The following MICU2 variants were observed in gnomAD, a reference collection of about 807,000 sequenced individuals.
The protein encoded by MICU2 is mitochondrial calcium uptake 2, also known as calcium uptake protein 2, mitochondrial.
MICU2 carries 64 observed loss-of-function variants against 60.4 expected under a neutral mutation model. That is an observed-to-expected ratio of 1.06 (90% CI 0.87 to 1.31). MICU2 has a LOEUF of 1.31. Among genes scored for constraint, MICU2 ranks in the 50% most tolerant of loss-of-function variants. The pLI is 0.00. For synonymous variants in MICU2, 201 were observed against 175.0 expected (o/e 1.15, Z -1.17); for missense variants, 569 against 531.0 (o/e 1.07, Z -0.70).
intron 9 of MICU2, among the ~76,000 whole-genome samples, chr13:21,501,484 G>T (rs570497590): frequency 6.6e-6 from 1 of 152,098 alleles, no homozygotes; most frequent in Admixed American, 6.5e-5. Flanking sequence ...GGATGGTCTT[G>T]ATCTCCTGAC....
At chr13:21,600,319 G>C (rs1383730582) in intron 1 of MICU2, among the ~76,000 whole-genome samples, 1 of 152,132 alleles carries the variant, frequency 6.6e-6, no homozygotes, top group African/African-American at 2.4e-5. Context: ...CCTTTGCCTA[G>C]AAAACTCTTC....
intron 2 of MICU2, among the ~76,000 whole-genome samples, chr13:21,550,940 A>G (rs1475691914): frequency 6.6e-6 from 1 of 152,200 alleles, no homozygotes; most frequent in African/African-American, 2.4e-5. Flanking sequence ...GACCTGTACT[A>G]TCAACTATAC....
chr13:21,575,619 G>A (rs1888208044), intron 1 of MICU2, among the ~76,000 whole-genome samples: 1 of 150,984 alleles, frequency 6.6e-6, no homozygotes, highest in South Asian at 2.1e-4. Context: ...AGCTACTTGG[G>A]AGGCTGAGGT....
At chr13:21,526,001 A>C (rs1161482115) in intron 4 of MICU2, among the ~76,000 whole-genome samples, 1 of 151,348 alleles carries the variant, frequency 6.6e-6, no homozygotes, top group African/African-American at 2.4e-5. Flanking sequence ...GTGGCACAGT[A>C]GTGGTTCACT....
In MICU2 at chr13:21,533,321, G is replaced by A. The variant is rs551336841; in HGVS notation, c.466+5981C>T. ...TTTTTGTAATCAATAGTAAGGCAGCGCAATTTTTTTTTTTTTTTTTGAGGC... is the reference window on the plus strand; with the variant it reads ...TTTTTGTAATCAATAGTAAGGCAGCACAATTTTTTTTTTTTTTTTTGAGGC... On this transcript the variant is annotated intron_variant, in intron 4 of 11. Transcript: ENST00000382374. 1.7e-4 allele frequency among the ~76,000 whole-genome samples: 24 copies of A among 142,746 alleles called. No homozygotes were observed. The South Asian group carries it at 4.0e-3, about 24-fold the overall frequency. 93.6% of individuals were successfully genotyped at this position (142,746 alleles called of 152,430 possible).
intron 1 of MICU2, among the ~76,000 whole-genome samples, chr13:21,581,867 G>T (rs1048348407): frequency 3.9e-5 from 6 of 152,238 alleles, no homozygotes; most frequent in Admixed American, 3.9e-4. Flanking sequence ...ACACACAACT[G>T]CTATCTAGCA....
intron 2 of MICU2, among the ~76,000 whole-genome samples, chr13:21,540,331 A>G (rs573266662): frequency 6.6e-6 from 1 of 152,218 alleles, no homozygotes; most frequent in South Asian, 2.1e-4. Context: ...CTCTGATGAT[A>G]GCCTCAAATC....
chr13:21,533,850 T>C (rs950446869), intron 4 of MICU2, among the ~76,000 whole-genome samples: 12 of 152,160 alleles, frequency 7.9e-5, no homozygotes, highest in Non-Finnish European at 1.3e-4. Context: ...TGATAAAACA[T>C]TGCTCATTAG....
At chr13:21,532,381 TAAAAAG>T (rs1238403102) in intron 4 of MICU2, among the ~76,000 whole-genome samples, 1 of 152,170 alleles carries the variant, frequency 6.6e-6, no homozygotes, top group Non-Finnish European at 1.5e-5. Flanking sequence ...TACTTGTCAA[TAAAAAG>T]AAAAACATTT....
At chr13:21,501,196 AGTAACAAACT>A (rs1170782256) in intron 9 of MICU2, among the ~76,000 whole-genome samples, 1 of 152,166 alleles carries the variant, frequency 6.6e-6, no homozygotes, top group African/African-American at 2.4e-5. Flanking sequence ...ATTCATTGTC[AGTAACAAACT>A]GTTTTAGTTA....
At chr13:21,551,565 C>T (rs1422400871) in intron 2 of MICU2, among the ~76,000 whole-genome samples, 1 of 149,538 alleles carries the variant, frequency 6.7e-6, no homozygotes, top group African/African-American at 2.5e-5. Flanking sequence ...TTAGGTATAT[C>T]TCCTAATGCT....
chr13:21,555,241 C>G (rs1422693938), intron 2 of MICU2, among the ~76,000 whole-genome samples: 1 of 152,200 alleles, frequency 6.6e-6, no homozygotes, highest in Non-Finnish European at 1.5e-5. Context: ...AGACCAATAT[C>G]CTTGATGAAC....
intron 1 of MICU2, among the ~76,000 whole-genome samples, chr13:21,600,918 CCCCGAGTGGCT>C (rs1423844043): frequency 2.0e-5 from 3 of 151,882 alleles, no homozygotes; most frequent in Admixed American, 2.0e-4. Context: ...TGCCTCAGGC[CCCCGAGTGGCT>C]GGGACTACAG....
intron 8 of MICU2, among the ~76,000 whole-genome samples, chr13:21,508,548 G>A (rs1643866646): frequency 6.6e-6 from 1 of 152,096 alleles, no homozygotes; most frequent in Non-Finnish European, 1.5e-5. Flanking sequence ...CTTCTTCAGG[G>A]CCTCTCATCA....
intron 4 of MICU2, among the ~76,000 whole-genome samples, chr13:21,537,019 C>T (rs952609655): frequency 1.3e-5 from 2 of 152,198 alleles, no homozygotes; most frequent in Admixed American, 1.3e-4. Flanking sequence ...TCTTGGACAT[C>T]CACTACATCT....
intron 6 of MICU2, among the ~76,000 whole-genome samples, 176 bp from the exon 7 acceptor site, chr13:21,514,594 C>T (rs2012875): frequency 0.2 from 30,699 of 151,694 alleles, 4,106 homozygotes; most frequent in East Asian, 0.66. Flanking sequence ...AGTGCAGTGG[C>T]GCAATCTCGG....
intron 1 of MICU2, among the ~76,000 whole-genome samples, chr13:21,593,662 T>C (rs1241822165): frequency 6.8e-6 from 1 of 146,558 alleles, no homozygotes; most frequent in East Asian, 2.0e-4. Context: ...CAAAACAGCA[T>C]GGTACTGGTA....
chr13:21,589,866 G>A (rs1473510143), intron 1 of MICU2, among the ~76,000 whole-genome samples: 1 of 146,968 alleles, frequency 6.8e-6, no homozygotes, highest in Non-Finnish European at 1.5e-5. Context: ...AAATACAGCA[G>A]CAAGGGTCAC....
intron 4 of MICU2, among the ~76,000 whole-genome samples, chr13:21,538,595 C>G (rs1887196613): frequency 6.7e-6 from 1 of 148,452 alleles, no homozygotes. Context: ...AAACAACCCA[C>G]ACCAATACAA....
Sources: gnomAD v4.1 joint callset for allele counts (sites outside exome capture counted in the v4.1 genomes callset) on GRCh38, gnomAD v4.1.1 for gene constraint, MANE v1.5 for transcripts, NCBI Gene and HGNC (gene_info 2026-07-23, HGNC 2026-07-21) for gene names.